NCSTN: variants seen among roughly 807,000 people sequenced by gnomAD.
The protein encoded by NCSTN is nicastrin, also known as anterior pharynx-defective 2.
A neutral mutation model predicts 87.0 loss-of-function variants in NCSTN; 22 were observed. The observed-to-expected ratio is 0.25, with a 90% confidence interval of 0.18 to 0.36. NCSTN has a LOEUF of 0.36. NCSTN is among the 10% of genes least tolerant of loss of function. The pLI, the probability that NCSTN is intolerant of heterozygous loss-of-function variation, is 1.00. For synonymous variants in NCSTN, 306 were observed against 327.1 expected (o/e 0.94, Z 0.69); for missense variants, 693 against 883.3 (o/e 0.78, Z 2.73).
At chr1:160,347,873 C>T (rs1375579973) in intron 2 of NCSTN, among the ~76,000 whole-genome samples, 1 of 152,216 alleles carries the variant, frequency 6.6e-6, no homozygotes, top group East Asian at 1.9e-4. Context: ...TTCGGCCTCC[C>T]AAAGTACTGG....
At chr1:160,351,562 C>A (rs1648839092) in intron 6 of NCSTN, 134 bp from the exon 7 acceptor site, 1 of 1,244,508 alleles carries the variant, frequency 8.0e-7, no homozygotes, top group African/African-American at 1.5e-5. Flanking sequence ...GGCAGAGAAG[C>A]CAACCTCGGA....
rs1171786936 is a variant in NCSTN at position 160,358,133 on chromosome 1, CT to C, written c.2008-15del. ...GAGAATGCCTTTGTCCTTTCCTGCC[CT>C]CCCTCCCCCTGCAGTTGATCACCCT... On this transcript the variant is annotated splice_polypyrimidine_tract_variant and intron_variant, in intron 16 of 16. Coordinates refer to ENST00000294785, the MANE Select transcript of NCSTN (RefSeq NM_015331.3). 1.2e-6 allele frequency: 2 copies of C among 1,614,032 alleles called. No homozygotes were observed. The highest frequency in any genetic ancestry group is 2.7e-5 in the African/African-American group (2 of 74,918).
At chr1:160,346,055 TA>T (rs779492011) in intron 2 of NCSTN, among the ~76,000 whole-genome samples, 10 of 152,202 alleles carry the variant, frequency 6.6e-5, no homozygotes, top group Non-Finnish European at 1.3e-4. Context: ...ACAGGCCGTT[TA>T]TTTTCACACT....
chr1:160,347,624 G>A (rs916957530), intron 2 of NCSTN, among the ~76,000 whole-genome samples: 1 of 152,080 alleles, frequency 6.6e-6, no homozygotes, highest in African/African-American at 2.4e-5. Flanking sequence ...GTGTGTGTGT[G>A]TGTGTGTCAG....
Position 160,344,352 on chromosome 1 carries a change from TGTATTAACCAATTAGTA to T in NCSTN, c.86-369_86-353del. The T allele has an allele frequency of 3.2e-6, 3 of 938,872 alleles. No individual in the cohort carries two copies. The East Asian group carries it at 8.3e-5, about 26-fold the overall frequency. 58.2% of individuals were successfully genotyped at this position (938,872 alleles called of 1,614,324 possible). A position where few individuals can be genotyped will look rare whatever the true frequency, so the allele number is the denominator to read the frequency against. ...GAAAGTTTTCTTAGCCCAGCACCTG[TGTATTAACCAATTAGTA>T]ATATACATACAGGATATACAAGCAG... is the stretch of plus-strand genomic sequence containing the variant. On this transcript the variant is annotated intron_variant, in intron 1 of 16. Coordinates refer to ENST00000294785, the MANE Select transcript of NCSTN (RefSeq NM_015331.3).
rs187659417 is a variant in NCSTN at position 160,352,488 on chromosome 1, T to C, written c.996+282T>C. On this transcript the variant is annotated intron_variant, in intron 8 of 16. Coordinates refer to ENST00000294785, the MANE Select transcript of NCSTN (RefSeq NM_015331.3). ...GAGGCGGCCTTTTACTTTTATTCTCTGGACTCCTTTACTGCTATCTCCATC... is the reference window on the plus strand; with the variant it reads ...GAGGCGGCCTTTTACTTTTATTCTCCGGACTCCTTTACTGCTATCTCCATC... 8.5e-5 allele frequency among the ~76,000 whole-genome samples: 13 copies of C among 152,370 alleles called. No homozygotes were observed. In the East Asian group the frequency reaches 2.5e-3, roughly 29 times the overall value.
intron 2 of NCSTN, 86 bp from the exon 3 acceptor site, chr1:160,348,913 G>A: frequency 6.4e-7 from 1 of 1,572,088 alleles, no homozygotes; most frequent in South Asian, 1.1e-5. Context: ...GACATCTTTA[G>A]GGGATAAAAG....
At chr1:160,349,759 G>C in intron 4 of NCSTN, 89 bp downstream of exon 4, 1 of 1,539,572 alleles carries the variant, frequency 6.5e-7, no homozygotes, top group Non-Finnish European at 8.9e-7. Flanking sequence ...ATGTATATGT[G>C]TTTGTGTCTG....
rs371343056 is a variant in NCSTN at position 160,358,262 on chromosome 1, G to C, written c.2121G>C (p.Val707=). 1.9e-6 allele frequency: 3 copies of C among 1,613,976 alleles called. No individual in the cohort carries two copies. The African/African-American group carries it at 4.0e-5, about 22-fold the overall frequency. ...TTGCTCCCCGGGAGCCAGGAGCTGT[G>C]TCATACTGAGGAGGACCCCAGCTTT... The part of the protein sequence containing the change: ...LFIAPREPGA[V]SY The change falls in exon 17 of 17, where the codon GTG becomes GTC. Residue 707 remains valine, a synonymous_variant. Transcript: ENST00000294785.
In NCSTN at chr1:160,351,678, T is replaced by C; in HGVS notation, c.734-18T>C. 6.4e-7 allele frequency: 1 copy of C among 1,555,900 alleles called. No homozygotes were observed. Among genetic ancestry groups the C allele is most frequent in the South Asian group, 1.1e-5 (1 of 89,866 alleles). ...TCCTTTAGCCTTGTTGATCTCTCAT[T>C]GTTTGTGTCCTGCTTAGAAATCGTC... On this transcript the variant is annotated intron_variant, in intron 6 of 16. Transcript: ENST00000294785.
chr1:160,356,544 C>G, intron 14 of NCSTN, 56 bp from the exon 15 acceptor site: 2 of 1,607,648 alleles, frequency 1.2e-6, no homozygotes, highest in Non-Finnish European at 1.7e-6. Flanking sequence ...TGGGCTTTTC[C>G]TATTTCACCC....
intron 1 of NCSTN, chr1:160,343,906 TC>T (rs1343960084): frequency 5.3e-6 from 2 of 376,248 alleles, no homozygotes; most frequent in Admixed American, 7.3e-5. Context: ...TCTTATTTCT[TC>T]CTCTGTTGAT....
At chr1:160,348,227 C>T (rs1372249036) in intron 2 of NCSTN, among the ~76,000 whole-genome samples, 2 of 152,226 alleles carry the variant, frequency 1.3e-5, no homozygotes, top group African/African-American at 4.8e-5. Context: ...GTATTCTGGA[C>T]TCTGGGTCAT....
intron 1 of NCSTN, among the ~76,000 whole-genome samples, chr1:160,344,090 G>A (rs996788197): frequency 6.6e-6 from 1 of 151,400 alleles, no homozygotes; most frequent in African/African-American, 2.4e-5. Flanking sequence ...TTGCTGATAC[G>A]CGTTCATTTA....
intron 6 of NCSTN, 128 bp from the exon 7 acceptor site, chr1:160,351,568 T>G: frequency 8.0e-7 from 1 of 1,245,786 alleles, no homozygotes; most frequent in Non-Finnish European, 1.2e-6. Flanking sequence ...GAAGCCAACC[T>G]CGGACTGTTG....
chr1:160,353,054 G>A (rs964203713), intron 9 of NCSTN, 63 bp downstream of exon 9: 160 of 1,573,210 alleles, frequency 1.0e-4, no homozygotes, highest in Admixed American at 1.8e-4. Flanking sequence ...GTTGTTCTGC[G>A]GTCTTAACTG....
In NCSTN at chr1:160,354,223, C is replaced by T. The variant is rs771414318; in HGVS notation, c.1285C>T (p.Arg429Ter). Residue 429 changes from arginine to a stop codon, truncating the protein, a stop_gained, in exon 11 of 17, where the codon CGA (arginine) becomes TGA (stop). Coordinates refer to ENST00000294785, the MANE Select transcript of NCSTN (RefSeq NM_015331.3). LOFTEE classifies it high-confidence loss of function. ...GCCTCTCCCACCATCTTCCCTGCAG[C>T]GATTTCTTCGAGCTCGAAACATCTC... is the stretch of plus-strand genomic sequence containing the variant. ...SQPLPPSSLQ[R>*]FLRARNISGV... is the part of the protein sequence containing the mutation. The T allele has an allele frequency of 6.2e-7, 1 of 1,614,104 alleles. No homozygotes were observed. Among genetic ancestry groups the T allele is most frequent in the Non-Finnish European group, 8.5e-7 (1 of 1,180,016 alleles).
Position 160,353,234 on chromosome 1 carries a change from C to T in NCSTN, c.1176C>T (p.Asn392=). 2 of 1,614,152 alleles carry T rather than the reference C, an allele frequency of 1.2e-6. No individual in the cohort carries two copies. The highest frequency in any genetic ancestry group is 1.7e-6 in the Non-Finnish European group (2 of 1,180,008). ...CTCAGAAAAATGAGTCTGTACGGAA[C>T]CAGGTAACCTGAGCATCTCCCCTCA... is the stretch of plus-strand genomic sequence containing the variant. The part of the protein sequence containing the change: ...PVSQKNESVR[N]QVEDLLATLE... Residue 392 remains asparagine, a synonymous_variant, in exon 10 of 17, where the codon AAC becomes AAT. Transcript: ENST00000294785.
rs200995991 is a variant in NCSTN at position 160,344,837 on chromosome 1, A to G, written c.190+11A>G. ...AGATTGGCTGCCAGTGTGAGTTGAG[A>G]TGGATTCATGTTTGTGGACATTGAT... On this transcript the variant is annotated intron_variant, in intron 2 of 16. Transcript: ENST00000294785. 1.3e-6 allele frequency: 2 copies of G among 1,599,682 alleles called. No homozygotes were observed. Among genetic ancestry groups the G allele is most frequent in the South Asian group, 1.1e-5 (1 of 90,684 alleles).
Sources: gnomAD v4.1 joint callset for allele counts (sites outside exome capture counted in the v4.1 genomes callset) on GRCh38, gnomAD v4.1.1 for gene constraint, MANE v1.5 for transcripts, NCBI Gene and HGNC (gene_info 2026-07-23, HGNC 2026-07-21) for gene names.